TBC1D32: variants seen among roughly 807,000 people sequenced by gnomAD.
TBC1D32 encodes TBC1 domain family member 32, also known as protein broad-minded.
In TBC1D32, 151 loss-of-function variants were observed where a neutral mutation model predicts 170.3. That is an observed-to-expected ratio of 0.89 (90% CI 0.78 to 1.01). TBC1D32 has a LOEUF of 1.01. TBC1D32 is among the 50% of genes least tolerant of loss of function. The probability of loss-of-function intolerance (pLI) is 0.00; values close to 1 mark genes in which losing one functional copy is unlikely to be tolerated. For synonymous variants in TBC1D32, 498 were observed against 488.0 expected, an observed-to-expected ratio of 1.02 and a Z score of -0.27; for missense variants, 1,464 against 1,457.1, an observed-to-expected ratio of 1.00 and a Z score of -0.08.
At chr6:121,085,373 GTA>G (rs72212075) in intron 31 of TBC1D32, among the ~76,000 whole-genome samples, 10,581 of 107,854 alleles carry the variant, frequency 0.098, 1,128 homozygotes, top group African/African-American at 0.38. Flanking sequence ...ATATATATGT[GTA>G]TATATATATA....
intron 31 of TBC1D32, among the ~76,000 whole-genome samples, chr6:121,088,247 A>C (rs1776452899): frequency 6.6e-6 from 1 of 152,074 alleles, no homozygotes; most frequent in Non-Finnish European, 1.5e-5. Flanking sequence ...GAGCCACTGC[A>C]CCTGGCCTAT....
At chr6:121,111,480 T>C (rs78770704) in intron 29 of TBC1D32, among the ~76,000 whole-genome samples, 3,223 of 152,268 alleles carry the variant, frequency 0.021, 51 homozygotes, top group Non-Finnish European at 0.03. Context: ...TTTTAAAATC[T>C]TCAAGTACAG....
chr6:121,304,212 G>C (rs991423503), intron 8 of TBC1D32, among the ~76,000 whole-genome samples, 153 bp downstream of exon 8: 3 of 151,228 alleles, frequency 2.0e-5, no homozygotes, highest in Admixed American at 2.0e-4. Context: ...TATAAAACAT[G>C]ACAAGCTGAA....
At chr6:121,134,988 G>T (rs1173137830) in intron 24 of TBC1D32, among the ~76,000 whole-genome samples, 1 of 152,042 alleles carries the variant, frequency 6.6e-6, no homozygotes, top group Non-Finnish European at 1.5e-5. Flanking sequence ...GCTAGAAAAA[G>T]TGCAAAAATA....
intron 24 of TBC1D32, among the ~76,000 whole-genome samples, chr6:121,147,449 T>C (rs1395182621): frequency 6.6e-6 from 1 of 152,218 alleles, no homozygotes; most frequent in East Asian, 1.9e-4. Context: ...TGTGTAAGTG[T>C]TCTCTTTTCT....
intron 24 of TBC1D32, among the ~76,000 whole-genome samples, chr6:121,151,758 C>T (rs1313697611): frequency 6.6e-6 from 1 of 151,962 alleles, no homozygotes; most frequent in Admixed American, 6.6e-5. Flanking sequence ...TTATGTAATG[C>T]CCTTCATTGT....
Position 121,091,059 on chromosome 6 carries a change from AGTAAGTTCATT to A in TBC1D32, c.3466-29_3466-19del. ...AGGCAAATCTTTAAAAAAAAAAAGT[AGTAAGTTCATT>A]AAAAAATTTATAAAACCACATTTGA... On this transcript the variant is annotated intron_variant, in intron 30 of 31. Coordinates refer to ENST00000398212, the MANE Select transcript of TBC1D32 (RefSeq NM_152730.6). 1 of 1,539,504 alleles carries A rather than the reference AGTAAGTTCATT, an allele frequency of 6.5e-7. No individual in the cohort carries two copies. The highest frequency in any genetic ancestry group is 1.4e-5 in the African/African-American group (1 of 70,122).
chr6:121,215,689 A>T (rs1279158136), intron 21 of TBC1D32, among the ~76,000 whole-genome samples: 1 of 152,230 alleles, frequency 6.6e-6, no homozygotes, highest in Non-Finnish European at 1.5e-5. Flanking sequence ...AGGTGGGCAA[A>T]GGACATGAAC....
chr6:121,177,318 G>C (rs1042857595), intron 22 of TBC1D32, among the ~76,000 whole-genome samples: 2 of 152,004 alleles, frequency 1.3e-5, no homozygotes, highest in African/African-American at 4.8e-5. Flanking sequence ...CATGAGATCT[G>C]GTTGTTTAAA....
At chr6:121,099,636 C>A (rs1582763865) in intron 30 of TBC1D32, among the ~76,000 whole-genome samples, 1 of 151,826 alleles carries the variant, frequency 6.6e-6, no homozygotes, top group Non-Finnish European at 1.5e-5. Context: ...ATTACTTAAT[C>A]ACATATACCC....
chr6:121,096,418 C>T (rs1418289484), intron 30 of TBC1D32, among the ~76,000 whole-genome samples: 1 of 151,878 alleles, frequency 6.6e-6, no homozygotes, highest in Non-Finnish European at 1.5e-5. Flanking sequence ...AAACAGAGAG[C>T]CAAATCATGA....
intron 24 of TBC1D32, among the ~76,000 whole-genome samples, chr6:121,140,387 T>A (rs1035097236): frequency 6.6e-6 from 1 of 151,914 alleles, no homozygotes; most frequent in African/African-American, 2.4e-5. Context: ...TTATTAACTT[T>A]AAAATGATCT....
chr6:121,285,591 G>A (rs928815415), intron 12 of TBC1D32, among the ~76,000 whole-genome samples: 5 of 152,102 alleles, frequency 3.3e-5, no homozygotes, highest in Non-Finnish European at 7.3e-5. Context: ...CGTGAGCGAC[G>A]CAGAAGACGG....
At chr6:121,297,402 A>G (rs905987207) in intron 10 of TBC1D32, among the ~76,000 whole-genome samples, 2 of 152,140 alleles carry the variant, frequency 1.3e-5, no homozygotes, top group Non-Finnish European at 2.9e-5. Flanking sequence ...GAGAATTTAA[A>G]TAACCAAGCC....
intron 30 of TBC1D32, among the ~76,000 whole-genome samples, chr6:121,093,807 G>C (rs6905992): frequency 0.18 from 27,030 of 151,904 alleles, 3,175 homozygotes; most frequent in African/African-American, 0.31. Context: ...GAAATTTCGA[G>C]GAGGAAAACT....
intron 24 of TBC1D32, among the ~76,000 whole-genome samples, chr6:121,138,119 A>G (rs1372631445): frequency 6.6e-6 from 1 of 152,084 alleles, no homozygotes; most frequent in Non-Finnish European, 1.5e-5. Context: ...GGTCCCTGAG[A>G]AGCAATTCTA....
chr6:121,290,586 G>A (rs1306204367), intron 12 of TBC1D32, among the ~76,000 whole-genome samples: 1 of 152,206 alleles, frequency 6.6e-6, no homozygotes, highest in East Asian at 1.9e-4. Flanking sequence ...GTGGAAGTCA[G>A]TGTGGCGATT....
At chr6:121,223,460 A>C (rs1337270716) in intron 20 of TBC1D32, 108 bp from the exon 21 acceptor site, 5 of 728,214 alleles carry the variant, frequency 6.9e-6, no homozygotes, top group Non-Finnish European at 1.2e-5. Context: ...GCTCATTTTT[A>C]AATATACCTA....
intron 12 of TBC1D32, among the ~76,000 whole-genome samples, chr6:121,288,919 T>C (rs1804343731): frequency 6.6e-6 from 1 of 152,232 alleles, no homozygotes; most frequent in South Asian, 2.1e-4. Flanking sequence ...ATTATCTCAA[T>C]AGATGCAGAA....
Sources: allele counts gnomAD v4.1 joint callset (sites outside exome capture counted in the v4.1 genomes callset), GRCh38; gene constraint gnomAD v4.1.1; transcripts MANE v1.5; gene names NCBI Gene and HGNC (gene_info 2026-07-23, HGNC 2026-07-21).